Variants in PLXDC2 observed in about 807,000 individuals in gnomAD.
PLXDC2 encodes the protein plexin domain-containing protein 2.
A neutral mutation model predicts 68.9 loss-of-function variants in PLXDC2; 40 were observed. That is an observed-to-expected ratio of 0.58 (90% confidence interval 0.45 to 0.76). PLXDC2 has a LOEUF of 0.76. Among genes scored for constraint, PLXDC2 ranks in the 30% least tolerant of loss-of-function variants. The pLI is 0.00. For missense variants in PLXDC2, 644 were observed against 661.9 expected (o/e 0.97, Z 0.30); for synonymous variants, 243 against 234.2 (o/e 1.04, Z -0.34).
intron 4 of PLXDC2, among the ~76,000 whole-genome samples, chr10:20,142,531 G>T (rs187385413): frequency 1.3e-5 from 2 of 152,026 alleles, no homozygotes; most frequent in African/African-American, 4.8e-5. Flanking sequence ...ATTGAAAGTG[G>T]GTTAGACATG....
chr10:19,979,518 A>G (rs10827915), intron 1 of PLXDC2, among the ~76,000 whole-genome samples: 14,268 of 150,796 alleles, frequency 0.095, 717 homozygotes, highest in East Asian at 0.13. Context: ...GATTGCAGGC[A>G]CCCACGACCA....
intron 9 of PLXDC2, among the ~76,000 whole-genome samples, chr10:20,209,593 G>A (rs748225446): frequency 6.6e-6 from 1 of 152,010 alleles, no homozygotes; most frequent in Non-Finnish European, 1.5e-5. Context: ...TGAAAGAAGA[G>A]AAATATGGCT....
intron 1 of PLXDC2, among the ~76,000 whole-genome samples, chr10:19,826,432 G>A (rs917085295): frequency 6.6e-6 from 1 of 152,088 alleles, no homozygotes; most frequent in African/African-American, 2.4e-5. Context: ...CTTGGTGCTT[G>A]TTTGGAGCAG....
chr10:20,226,688 A>G (rs1835291596), intron 12 of PLXDC2, among the ~76,000 whole-genome samples: 1 of 152,190 alleles, frequency 6.6e-6, no homozygotes, highest in South Asian at 2.1e-4. Flanking sequence ...ACACAGAACG[A>G]GATGATATAG....
intron 1 of PLXDC2, among the ~76,000 whole-genome samples, chr10:19,916,377 G>C (rs902768347): frequency 2.0e-5 from 3 of 151,006 alleles, no homozygotes; most frequent in Admixed American, 6.6e-5. Flanking sequence ...TTGAACTCCT[G>C]ACCTCAGGTG....
chr10:20,162,061 AGAGAGAGAGAGAAGGAAGGAAG>A (rs1391547162), intron 6 of PLXDC2, among the ~76,000 whole-genome samples: 4,612 of 112,640 alleles, frequency 0.041, 105 homozygotes, highest in Non-Finnish European at 0.052. Flanking sequence ...AGAGAGAGAG[AGAGAGAGAGAGAAGGAAGGAAG>A]GAAGGAAGGA....
chr10:19,832,622 T>C (rs975860810), intron 1 of PLXDC2, among the ~76,000 whole-genome samples: 2 of 152,230 alleles, frequency 1.3e-5, no homozygotes, highest in African/African-American at 4.8e-5. Flanking sequence ...GGAAGATGTT[T>C]CTACTGTCAA....
intron 4 of PLXDC2, among the ~76,000 whole-genome samples, chr10:20,087,499 ATGT>A (rs760929894): frequency 6.6e-6 from 1 of 152,074 alleles, no homozygotes; most frequent in Non-Finnish European, 1.5e-5. Flanking sequence ...ATAAATACTG[ATGT>A]TGTCCAGGGA....
chr10:19,966,214 A>G (rs1216425196), intron 1 of PLXDC2, among the ~76,000 whole-genome samples: 1 of 145,216 alleles, frequency 6.9e-6, no homozygotes, highest in Non-Finnish European at 1.5e-5. Context: ...TATATATACT[A>G]CGTATACATA....
Position 20,147,917 on chromosome 10 carries a change from G to T in PLXDC2, c.783+15G>T. ...GATACAAAGAAGTAAGTGATGCGTT[G>T]ATAATTTCTTTCCCTTCCCCTTGTT... On this transcript the variant is annotated intron_variant, in intron 6 of 13. Coordinates refer to ENST00000377252, the MANE Select transcript of PLXDC2 (RefSeq NM_032812.9). The T allele has an allele frequency of 6.5e-7, 1 of 1,537,506 alleles. No homozygotes were observed. Among genetic ancestry groups the T allele is most frequent in the South Asian group, 1.1e-5 (1 of 89,348 alleles).
intron 3 of PLXDC2, among the ~76,000 whole-genome samples, chr10:20,052,035 C>A (rs1048770863): frequency 6.6e-6 from 1 of 151,878 alleles, no homozygotes; most frequent in Non-Finnish European, 1.5e-5. Context: ...AGAAAACACA[C>A]ACACACCGCA....
chr10:20,216,504 T>C (rs757138511), intron 10 of PLXDC2, among the ~76,000 whole-genome samples: 6 of 152,156 alleles, frequency 3.9e-5, no homozygotes, highest in Non-Finnish European at 8.8e-5. Flanking sequence ...GGAGGCTGTC[T>C]CAGGAAGTCT....
chr10:19,966,370 AAAAATATATATGTGCACATATAT>A (rs1488837422), intron 1 of PLXDC2, among the ~76,000 whole-genome samples: 16 of 133,472 alleles, frequency 1.2e-4, no homozygotes, highest in Non-Finnish European at 1.8e-4. Flanking sequence ...CACATATATA[AAAAATATATATGTGCACATATAT>A]AAAATATATA....
chr10:20,172,299 C>T (rs1834458513), intron 7 of PLXDC2, among the ~76,000 whole-genome samples: 1 of 151,248 alleles, frequency 6.6e-6, no homozygotes, highest in Admixed American at 6.6e-5. Context: ...GCCTTCTTCC[C>T]ATAAGTCTCA....
intron 12 of PLXDC2, among the ~76,000 whole-genome samples, chr10:20,228,952 A>G (rs1346730932): frequency 6.6e-6 from 1 of 152,190 alleles, no homozygotes; most frequent in Non-Finnish European, 1.5e-5. Context: ...ACAGTCCACC[A>G]TTGTACAATC....
At chr10:20,008,542 A>G (rs1835063080) in intron 2 of PLXDC2, among the ~76,000 whole-genome samples, 1 of 152,190 alleles carries the variant, frequency 6.6e-6, no homozygotes, top group African/African-American at 2.4e-5. Context: ...GACGAAAGTG[A>G]AACTCTGTCT....
intron 1 of PLXDC2, among the ~76,000 whole-genome samples, chr10:19,913,235 TTGC>T (rs1833305951): frequency 6.6e-6 from 1 of 152,078 alleles, no homozygotes; most frequent in Non-Finnish European, 1.5e-5. Flanking sequence ...ATTTCTCCCT[TTGC>T]TGCTGTTCTT....
chr10:20,021,572 A>T (rs1056819255), intron 2 of PLXDC2, among the ~76,000 whole-genome samples: 2 of 152,094 alleles, frequency 1.3e-5, no homozygotes, highest in African/African-American at 4.8e-5. Flanking sequence ...TCTGTACACA[A>T]TAAGGCCACC....
intron 1 of PLXDC2, among the ~76,000 whole-genome samples, chr10:19,894,800 G>C (rs1234525497): frequency 2.0e-5 from 3 of 152,158 alleles, no homozygotes; most frequent in Non-Finnish European, 4.4e-5. Context: ...AGGATATGGA[G>C]AAATAGGAAC....
Sources: allele counts gnomAD v4.1 joint callset (sites outside exome capture counted in the v4.1 genomes callset), GRCh38; gene constraint gnomAD v4.1.1; transcripts MANE v1.5; gene names NCBI Gene and HGNC (gene_info 2026-07-23, HGNC 2026-07-21).